The following VPS13A variants were observed in gnomAD, a reference collection of about 807,000 sequenced individuals.
VPS13A encodes vacuolar protein sorting 13 homolog A.
VPS13A carries 264 observed loss-of-function variants against 390.9 expected under a neutral mutation model. The ratio of observed to expected loss-of-function variants is 0.68; its 90% CI spans 0.61 to 0.75. VPS13A has a LOEUF of 0.75. Among genes scored for constraint, VPS13A ranks in the 30% least tolerant of loss-of-function variants. The probability of loss-of-function intolerance (pLI) is 0.00; values close to 1 mark genes in which losing one functional copy is unlikely to be tolerated. For synonymous variants in VPS13A, 1,231 were observed against 1,227.1 expected (o/e 1.00, Z -0.07); for missense variants, 3,409 against 3,733.9 (o/e 0.91, Z 2.27).
At chr9:77,234,541 G>A (rs1040659442) in intron 17 of VPS13A, among the ~76,000 whole-genome samples, 3 of 151,986 alleles carry the variant, frequency 2.0e-5, no homozygotes, top group African/African-American at 7.3e-5. Flanking sequence ...ATTTTCGATG[G>A]GTTTATTGGG....
chr9:77,280,379 T>A (rs904689837), intron 27 of VPS13A, 141 bp downstream of exon 27: 8 of 619,930 alleles, frequency 1.3e-5, no homozygotes, highest in East Asian at 3.1e-5. Context: ...AGGTTTTTTT[T>A]ATTTTGTCAT....
rs76144730 is a variant in VPS13A, at chr9:77,381,717, C to T, written c.9078-259C>T. Among the ~76,000 whole-genome samples, 1,324 of 151,936 alleles carry T rather than the reference C, an allele frequency of 8.7e-3. 21 individuals carry two copies. The highest frequency in any genetic ancestry group is 0.03 in the African/African-American group (1,234 of 41,446). Reference sequence around the variant, plus strand: ...GCATTATACTAAAGAAACTAGACAACGTAATAGGAAAAGAAAAAGCAACAA... The same window carrying T: ...GCATTATACTAAAGAAACTAGACAATGTAATAGGAAAAGAAAAAGCAACAA... On this transcript the variant is annotated intron_variant, in intron 67 of 71. Coordinates refer to ENST00000360280, the MANE Select transcript of VPS13A (RefSeq NM_033305.3).
At chr9:77,341,383 TCTC>T (rs1263583749) in intron 50 of VPS13A, among the ~76,000 whole-genome samples, 1 of 152,190 alleles carries the variant, frequency 6.6e-6, no homozygotes, top group African/African-American at 2.4e-5. Flanking sequence ...CCTTCAGTCT[TCTC>T]TTTGTCTTTG....
In VPS13A at chr9:77,283,417, T is replaced by G. The variant is rs778260581; in HGVS notation, c.3181T>G (p.Leu1061Val). Reference protein sequence around the residue: ...TLQILAELSCLQIFIQDQKCN... With the variant: ...TLQILAELSCVQIFIQDQKCN... ...GCAGATTTTAGCAGAATTATCGTGT[T>G]TACAGATCTTTATTCAAGATCAGAA... The change falls in exon 30 of 72, where the codon TTA becomes GTA. Residue 1061 changes from leucine to valine, a missense_variant. Coordinates refer to ENST00000360280, the MANE Select transcript of VPS13A (RefSeq NM_033305.3). 6 of 1,608,832 alleles carry G rather than the reference T, an allele frequency of 3.7e-6. No homozygotes were observed. The African/African-American group carries it at 8.0e-5, about 22-fold the overall frequency.
intron 56 of VPS13A, 77 bp downstream of exon 56, chr9:77,357,915 T>C: frequency 1.5e-6 from 2 of 1,352,708 alleles, no homozygotes; most frequent in South Asian, 1.2e-5. Context: ...TCCCATGGTC[T>C]GCTTTATCTA....
chr9:77,208,746 C>T (rs1014521807), intron 5 of VPS13A, among the ~76,000 whole-genome samples: 4 of 152,114 alleles, frequency 2.6e-5, no homozygotes, highest in South Asian at 2.1e-4. Context: ...GACGGGGTTT[C>T]GCCATAGTGG....
intron 22 of VPS13A, among the ~76,000 whole-genome samples, chr9:77,258,741 A>G (rs1348091253): frequency 6.6e-6 from 1 of 152,028 alleles, no homozygotes; most frequent in African/African-American, 2.4e-5. Flanking sequence ...TTTCTTGTAA[A>G]GTTTTTCATT....
chr9:77,273,334 C>G lies in VPS13A; in HGVS notation c.2482C>G (p.Leu828Val). Residue 828 changes from leucine (L) to valine (V), a missense_variant, in exon 24 of 72, where the codon CTC (leucine) becomes GTC (valine). Leu to Val is a conservative substitution (Grantham distance 32). Coordinates refer to ENST00000360280, the MANE Select transcript of VPS13A (RefSeq NM_033305.3). ...TSQISQKIIP[L>V]LELPSVSEDD... is the part of the protein sequence containing the mutation. ...ACAGATTTCACAGAAAATAATTCCT[C>G]TCTTGGAACTTCCATCTGTTTCTGA... The G allele has an allele frequency of 6.2e-7, 1 of 1,611,388 alleles. No homozygotes were observed. Among genetic ancestry groups the G allele is most frequent in the Non-Finnish European group, 8.5e-7 (1 of 1,178,770 alleles).
chr9:77,296,075 A>G (rs1827980095), intron 33 of VPS13A, among the ~76,000 whole-genome samples: 1 of 152,356 alleles, frequency 6.6e-6, no homozygotes, highest in Non-Finnish European at 1.5e-5. Context: ...TAGGAAAACT[A>G]TAAAATTTAT....
chr9:77,381,268 CCAT>C (rs1054977265), intron 67 of VPS13A, among the ~76,000 whole-genome samples: 14 of 152,100 alleles, frequency 9.2e-5, no homozygotes, highest in African/African-American at 2.4e-4. Flanking sequence ...CTGCATACCA[CCAT>C]GTCTGACTAG....
At chr9:77,371,244 C>CT in intron 67 of VPS13A, 95 bp downstream of exon 67, 1 of 1,552,848 alleles carries the variant, frequency 6.4e-7, no homozygotes. Context: ...TAGTTATTGT[C>CT]TTTGTTTTGT....
chr9:77,286,112 T>C (rs1470270218), intron 31 of VPS13A, among the ~76,000 whole-genome samples: 6 of 152,228 alleles, frequency 3.9e-5, no homozygotes, highest in Admixed American at 3.9e-4. Context: ...TGTGTAGCTG[T>C]CTTTTTTTTC....
At chr9:77,385,697 C>A (rs922247274) in intron 68 of VPS13A, among the ~76,000 whole-genome samples, 1 of 151,976 alleles carries the variant, frequency 6.6e-6, no homozygotes, top group African/African-American at 2.4e-5. Flanking sequence ...AATGTTTAAT[C>A]CCTATGACTG....
At chr9:77,215,902 C>A (rs1372409224) in intron 10 of VPS13A, among the ~76,000 whole-genome samples, 1 of 152,196 alleles carries the variant, frequency 6.6e-6, no homozygotes, top group Non-Finnish European at 1.5e-5. Flanking sequence ...ACAAAACTGC[C>A]TTAGCAAGGT....
intron 32 of VPS13A, 21 bp downstream of exon 32, chr9:77,293,529 T>C: frequency 1.5e-6 from 2 of 1,305,808 alleles, no homozygotes; most frequent in Non-Finnish European, 2.0e-6. Flanking sequence ...TATTAAATTA[T>C]TATTTATTTT....
At chr9:77,185,278 A>G (rs954882974) in intron 1 of VPS13A, among the ~76,000 whole-genome samples, 3 of 151,892 alleles carry the variant, frequency 2.0e-5, no homozygotes, top group African/African-American at 4.8e-5. Flanking sequence ...AGTAGCTGGG[A>G]CTACAGGCGC....
intron 33 of VPS13A, among the ~76,000 whole-genome samples, chr9:77,297,209 G>A (rs1828055008): frequency 6.6e-6 from 1 of 151,420 alleles, no homozygotes; most frequent in Non-Finnish European, 1.5e-5. Flanking sequence ...TTATTGATTT[G>A]AAACATTTCT....
At chr9:77,388,771 G>T (rs1833792237) in intron 68 of VPS13A, among the ~76,000 whole-genome samples, 2 of 151,934 alleles carry the variant, frequency 1.3e-5, no homozygotes, top group Non-Finnish European at 2.9e-5. Flanking sequence ...GTCGTAATTG[G>T]GCATGTTATA....
At chr9:77,321,393 A>G in intron 43 of VPS13A, 66 bp downstream of exon 43, 1 of 1,581,432 alleles carries the variant, frequency 6.3e-7, no homozygotes, top group Non-Finnish European at 8.7e-7. Flanking sequence ...CTGTTGAATA[A>G]GAAGTTTAAT....
Sources: gnomAD v4.1 joint callset for allele counts (sites outside exome capture counted in the v4.1 genomes callset) on GRCh38, gnomAD v4.1.1 for gene constraint, MANE v1.5 for transcripts, NCBI Gene and HGNC (gene_info 2026-07-23, HGNC 2026-07-21) for gene names.